Variants in FKBP1B observed in about 807,000 individuals in gnomAD.
FKBP1B encodes FKBP prolyl isomerase 1B, also known as peptidyl-prolyl cis-trans isomerase FKBP1B.
FKBP1B carries 4 observed loss-of-function variants against 13.5 expected under a neutral mutation model. The ratio of observed to expected loss-of-function variants is 0.30; its 90% CI spans 0.15 to 0.68. The LOEUF is 0.68. FKBP1B is among the 30% of genes least tolerant of loss of function. The probability of loss-of-function intolerance (pLI) is 0.76; values close to 1 mark genes in which losing one functional copy is unlikely to be tolerated. For synonymous variants in FKBP1B, 54 were observed against 53.6 expected, an observed-to-expected ratio of 1.01 and a Z score of -0.03; for missense variants, 93 against 136.2, an observed-to-expected ratio of 0.68 and a Z score of 1.58.
chr2:24,052,800 C>T (rs1663940256), intron 1 of FKBP1B, among the ~76,000 whole-genome samples: 1 of 151,956 alleles, frequency 6.6e-6, no homozygotes, highest in Non-Finnish European at 1.5e-5. Flanking sequence ...GACCCTGTCT[C>T]TACAAATTTT....
the FKBP1B span, among the ~76,000 whole-genome samples, chr2:24,039,709 A>C: frequency 6.6e-6 from 1 of 152,244 alleles, no homozygotes; most frequent in Admixed American, 6.5e-5. Context: ...ATCTTGAAGA[A>C]ATAAAATCTT....
chr2:24,037,750 A>C, the FKBP1B span: 1 of 1,614,272 alleles, frequency 6.2e-7, no homozygotes, highest in Non-Finnish European at 8.5e-7. Flanking sequence ...CCCATTATGC[A>C]GACGGTTTGT....
chr2:24,045,600 CAAAA>C (rs869243363), upstream of FKBP1B, among the ~76,000 whole-genome samples: 2 of 64,412 alleles, frequency 3.1e-5, no homozygotes, highest in African/African-American at 1.3e-4. Context: ...GACTCCATCT[CAAAA>C]AAAAAAAAAA....
At chr2:24,057,976 C>T (rs915850277) in intron 2 of FKBP1B, among the ~76,000 whole-genome samples, 3 of 152,040 alleles carry the variant, frequency 2.0e-5, no homozygotes, top group Non-Finnish European at 4.4e-5. Context: ...GCAGGTGGAT[C>T]ACCTGAGGTC....
Position 24,060,860 on chromosome 2 carries a change from C to T in FKBP1B, c.132C>T (p.Asn44=), listed in dbSNP as rs866355364. 2 of 1,614,154 alleles carry T rather than the reference C, an allele frequency of 1.2e-6. No homozygotes were observed. The highest frequency in any genetic ancestry group is 1.7e-4 in the Middle Eastern group (1 of 6,060). ...GKKFDSSRDR[N]KPFKFRIGKQ... is the part of the protein sequence containing the mutation. The stretch of plus-strand genomic sequence containing the variant: ...AGTTTGATTCATCCAGAGACAGAAA[C>T]AAACCTTTCAAGTTCAGAATTGGCA... Residue 44 remains asparagine (N), a synonymous_variant, in exon 3 of 4, where the codon AAC becomes AAT. Transcript: ENST00000380986.
upstream of FKBP1B, among the ~76,000 whole-genome samples, chr2:24,045,663 G>T (rs566152330): frequency 4.4e-5 from 6 of 136,650 alleles, no homozygotes; most frequent in South Asian, 1.1e-3. Flanking sequence ...GGAAGGGGGA[G>T]GGGGAGGGAA....
chr2:24,036,790 A>T, the FKBP1B span, among the ~76,000 whole-genome samples: 6 of 152,232 alleles, frequency 3.9e-5, no homozygotes, highest in Admixed American at 3.9e-4. Flanking sequence ...CCATTCCCAC[A>T]TACCTATATA....
chr2:24,055,948 C>T (rs1441349174), intron 2 of FKBP1B, among the ~76,000 whole-genome samples: 1 of 152,172 alleles, frequency 6.6e-6, no homozygotes, highest in Non-Finnish European at 1.5e-5. Flanking sequence ...CTGCCAGTTA[C>T]CCTGTGTCCT....
upstream of FKBP1B, among the ~76,000 whole-genome samples, chr2:24,049,104 G>A (rs1663730177): frequency 6.6e-6 from 1 of 152,124 alleles, no homozygotes; most frequent in Non-Finnish European, 1.5e-5. Flanking sequence ...CTGTGCTTCC[G>A]CAACGCTCTG....
chr2:24,056,078 C>T (rs183461257), intron 2 of FKBP1B, among the ~76,000 whole-genome samples: 2 of 152,096 alleles, frequency 1.3e-5, no homozygotes, highest in African/African-American at 4.8e-5. Context: ...CAACCTCTGC[C>T]TCCTGGGTTC....
At position 24,063,552 on chromosome 2, in the gene FKBP1B, G is replaced by A. The variant is rs1027489506; in HGVS notation, c.*360G>A. 1.5e-5 allele frequency: 4 copies of A among 265,134 alleles called. No individual in the cohort carries two copies. Among genetic ancestry groups the A allele is most frequent in the South Asian group, 1.3e-4 (1 of 7,558 alleles). 16.4% of individuals were successfully genotyped at this position (265,134 alleles called of 1,614,324 possible). A position where few individuals can be genotyped will look rare whatever the true frequency, so the allele number is the denominator to read the frequency against. On this transcript the variant is annotated 3_prime_UTR_variant, in exon 4 of 4. Transcript: ENST00000380986. ...TGCTCAGACATGAAATGTACATGGCGTACCGTACACAGAGGGACTTGAGCC... is the reference window on the plus strand; with the variant it reads ...TGCTCAGACATGAAATGTACATGGCATACCGTACACAGAGGGACTTGAGCC...
the FKBP1B span, chr2:24,039,290 C>T: frequency 6.2e-7 from 1 of 1,614,252 alleles, no homozygotes; most frequent in Non-Finnish European, 8.5e-7. Flanking sequence ...TCATCTGCAA[C>T]AGGTGGGGCC....
chr2:24,037,871 A>G, the FKBP1B span: 3,367 of 1,614,038 alleles, frequency 2.1e-3, 8 homozygotes, highest in Non-Finnish European at 2.7e-3. Context: ...CTTTGAGGCA[A>G]ACGAGGAGGC....
At chr2:24,047,506 C>G (rs967787068), upstream of FKBP1B, 1 of 152,194 alleles carries the variant, frequency 6.6e-6, no homozygotes, top group Non-Finnish European at 1.5e-5. Context: ...ATGGCCCCGT[C>G]TATTGGCTTT....
intron 2 of FKBP1B, among the ~76,000 whole-genome samples, chr2:24,055,356 A>G (rs114084056): frequency 0.02 from 3,025 of 152,172 alleles, 114 homozygotes; most frequent in African/African-American, 0.069. Context: ...GACCACAGAC[A>G]TGAGCCACCA....
chr2:24,061,082 T>C (rs113411313), intron 3 of FKBP1B, among the ~76,000 whole-genome samples, 156 bp downstream of exon 3: 206 of 152,130 alleles, frequency 1.4e-3, no homozygotes, highest in Admixed American at 2.2e-3. Context: ...CCTCCTGGCT[T>C]TGCGTCCCCA....
intron 2 of FKBP1B, among the ~76,000 whole-genome samples, chr2:24,059,894 CAAAAA>C (rs10679224): frequency 1.2e-4 from 6 of 49,818 alleles, no homozygotes; most frequent in African/African-American, 1.6e-4. Flanking sequence ...GACTCCGACT[CAAAAA>C]AAAAAAAAAA....
chr2:24,039,801 T>C, the FKBP1B span, among the ~76,000 whole-genome samples: 1 of 152,248 alleles, frequency 6.6e-6, no homozygotes, highest in South Asian at 2.1e-4. Context: ...ATTATTTTTC[T>C]TCTTTTTTTT....
the FKBP1B span, among the ~76,000 whole-genome samples, chr2:24,040,819 C>T: frequency 1.3e-5 from 2 of 151,940 alleles, no homozygotes; most frequent in African/African-American, 4.8e-5. Context: ...GAGTTCGATC[C>T]CAGCCTGACC....
Sources: allele counts gnomAD v4.1 joint callset (sites outside exome capture counted in the v4.1 genomes callset), GRCh38; gene constraint gnomAD v4.1.1; transcripts MANE v1.5; gene names NCBI Gene and HGNC (gene_info 2026-07-23, HGNC 2026-07-21).